VEPH1: variants seen among roughly 807,000 people sequenced by gnomAD.
VEPH1 encodes ventricular zone expressed PH domain containing 1, also known as ventricular zone-expressed PH domain-containing protein homolog 1.
A neutral mutation model predicts 85.2 loss-of-function variants in VEPH1; 80 were observed. The observed-to-expected ratio is 0.94, with a 90% CI of 0.78 to 1.13. VEPH1 has a LOEUF of 1.13. Ranked by LOEUF, VEPH1 falls within the 50% of genes most tolerant of loss-of-function variation. VEPH1 has a pLI of 0.00. For synonymous variants in VEPH1, 297 were observed against 348.0 expected, an observed-to-expected ratio of 0.85 and a Z score of 1.63; for missense variants, 955 against 980.5, an observed-to-expected ratio of 0.97 and a Z score of 0.35.
chr3:157,292,801 CT>C (rs1403117066), intron 11 of VEPH1, among the ~76,000 whole-genome samples: 7 of 134,900 alleles, frequency 5.2e-5, no homozygotes, highest in Non-Finnish European at 1.1e-4. Flanking sequence ...ATGAAACCCC[CT>C]CTCTACTAAA....
At chr3:157,396,071 C>T (rs1730352140) in intron 6 of VEPH1, among the ~76,000 whole-genome samples, 2 of 152,156 alleles carry the variant, frequency 1.3e-5, no homozygotes, top group Admixed American at 6.5e-5. Flanking sequence ...TCTATTCTTT[C>T]TGATGCTCTC....
At chr3:157,364,918 T>C (rs1206959082) in intron 7 of VEPH1, among the ~76,000 whole-genome samples, 2 of 152,356 alleles carry the variant, frequency 1.3e-5, no homozygotes, top group East Asian at 3.9e-4. Flanking sequence ...ACATTTCACA[T>C]GCACTGTATA....
In VEPH1 at chr3:157,413,898, C is replaced by A. The variant is rs746660917; in HGVS notation, c.889G>T (p.Val297Phe). The A allele has an allele frequency of 6.2e-7, 1 of 1,613,428 alleles. No individual in the cohort carries two copies. The highest frequency in any genetic ancestry group is 8.5e-7 in the Non-Finnish European group (1 of 1,179,588). The change falls in exon 6 of 14, where the codon GTT becomes TTT. Residue 297 changes from valine to phenylalanine, a missense_variant. By Grantham distance (50) the Val-to-Phe change is conservative. Transcript: ENST00000362010. ...TGQMARIYGAVGHVDEERARS... is the reference protein window; with the variant it reads ...TGQMARIYGAFGHVDEERARS... ...AAACTTACTTCATCCACATGCCCAA[C>A]AGCTCCATAAATCCTTGCCATCTGT...
chr3:157,343,237 G>A (rs1208108833), intron 9 of VEPH1, among the ~76,000 whole-genome samples: 1 of 152,088 alleles, frequency 6.6e-6, no homozygotes, highest in South Asian at 2.1e-4. Flanking sequence ...ATGAATCCAG[G>A]AGCTGGTTTT....
chr3:157,307,160 A>C (rs1393342290), intron 11 of VEPH1, among the ~76,000 whole-genome samples: 1 of 151,968 alleles, frequency 6.6e-6, no homozygotes, highest in East Asian at 1.9e-4. Flanking sequence ...ACCCATCTTA[A>C]CAGTAATCTA....
intron 10 of VEPH1, among the ~76,000 whole-genome samples, chr3:157,315,337 AAATT>A (rs1329326127): frequency 6.6e-6 from 1 of 152,118 alleles, no homozygotes; most frequent in Non-Finnish European, 1.5e-5. Flanking sequence ...AGCAATAGAT[AAATT>A]ACATAACCCA....
chr3:157,429,134 T>C (rs1732957580), intron 4 of VEPH1, among the ~76,000 whole-genome samples: 1 of 152,236 alleles, frequency 6.6e-6, no homozygotes, highest in South Asian at 2.1e-4. Flanking sequence ...TCAAGAAAAC[T>C]ATTACATAAC....
At chr3:157,437,699 G>C in intron 4 of VEPH1, 1 of 1,532,398 alleles carries the variant, frequency 6.5e-7, no homozygotes, top group Non-Finnish European at 8.7e-7. Flanking sequence ...TGCGCGCCGG[G>C]GGCTCCCGCA....
intron 1 of VEPH1, among the ~76,000 whole-genome samples, chr3:157,501,454 G>A (rs187514911): frequency 1.3e-5 from 2 of 152,304 alleles, no homozygotes; most frequent in East Asian, 1.9e-4. Flanking sequence ...TGGAAGTGTA[G>A]CACTCCTTCC....
At chr3:157,427,587 C>G (rs887590499) in intron 5 of VEPH1, among the ~76,000 whole-genome samples, 2 of 152,122 alleles carry the variant, frequency 1.3e-5, no homozygotes, top group African/African-American at 4.8e-5. Context: ...TCCTGAGTCG[C>G]TGGGACTACA....
At chr3:157,376,792 G>A (rs542131048) in intron 7 of VEPH1, among the ~76,000 whole-genome samples, 2 of 152,096 alleles carry the variant, frequency 1.3e-5, no homozygotes, top group South Asian at 2.1e-4. Context: ...TTGTAGTTTT[G>A]GCCTGAAGTC....
intron 1 of VEPH1, chr3:157,499,258 T>G (rs1739913429): frequency 1.3e-5 from 2 of 151,484 alleles, no homozygotes; most frequent in Non-Finnish European, 2.9e-5. Context: ...TTTAGTTTTT[T>G]TTTTTTTTTT....
At chr3:157,491,007 T>C (rs1279780115) in intron 2 of VEPH1, among the ~76,000 whole-genome samples, 4 of 152,178 alleles carry the variant, frequency 2.6e-5, no homozygotes, top group African/African-American at 4.8e-5. Context: ...TTGAGCCCTA[T>C]GACAACATTT....
At chr3:157,493,093 A>G in intron 2 of VEPH1, 1 of 365,330 alleles carries the variant, frequency 2.7e-6, no homozygotes, top group East Asian at 8.0e-5. Flanking sequence ...TGAGTAGGGA[A>G]CCTTGATGGA....
intron 5 of VEPH1, among the ~76,000 whole-genome samples, chr3:157,423,811 G>A (rs1034243933): frequency 7.2e-5 from 11 of 152,196 alleles, no homozygotes; most frequent in Non-Finnish European, 1.0e-4. Flanking sequence ...AAAGGAGCTT[G>A]CAGTCTATTG....
intron 2 of VEPH1, among the ~76,000 whole-genome samples, chr3:157,476,159 A>G (rs999632976): frequency 8.5e-5 from 13 of 152,214 alleles, no homozygotes; most frequent in Admixed American, 7.9e-4. Context: ...ATCACCCACC[A>G]CTGCCTTGAT....
chr3:157,438,037 G>GCACACACACACACACACACACA (rs781700719), intron 4 of VEPH1: 1 of 451,414 alleles, frequency 2.2e-6, no homozygotes, highest in Non-Finnish European at 3.7e-6. Flanking sequence ...GCGCGCGCGC[G>GCACACACACACACACACACACA]CACACACACA....
intron 4 of VEPH1, among the ~76,000 whole-genome samples, chr3:157,441,163 G>T (rs1219741051): frequency 6.6e-6 from 1 of 152,148 alleles, no homozygotes; most frequent in Non-Finnish European, 1.5e-5. Context: ...CCCTCCTAGA[G>T]AAATCTAGGG....
At chr3:157,501,913 T>C (rs539537095) in intron 1 of VEPH1, among the ~76,000 whole-genome samples, 8 of 152,372 alleles carry the variant, frequency 5.3e-5, no homozygotes, top group Admixed American at 1.3e-4. Flanking sequence ...ATTTGGGCTC[T>C]AGAAACTTTC....
Sources: allele counts gnomAD v4.1 joint callset (sites outside exome capture counted in the v4.1 genomes callset), GRCh38; gene constraint gnomAD v4.1.1; transcripts MANE v1.5; gene names NCBI Gene and HGNC (gene_info 2026-07-23, HGNC 2026-07-21).